GNB5: variants seen among roughly 807,000 people sequenced by gnomAD.
The protein encoded by GNB5 is G protein subunit beta 5.
A neutral mutation model predicts 55.3 loss-of-function variants in GNB5; 37 were observed. That is an observed-to-expected ratio of 0.67 (90% CI 0.51 to 0.88). The LOEUF is 0.88. GNB5 is among the 40% of genes least tolerant of loss of function. The probability of loss-of-function intolerance (pLI) is 0.00; values close to 1 mark genes in which losing one functional copy is unlikely to be tolerated. For synonymous variants in GNB5, 219 were observed against 198.5 expected (o/e 1.10, Z -0.87); for missense variants, 476 against 515.3 (o/e 0.92, Z 0.74).
At chr15:52,125,678 G>C (rs1437650976) in intron 11 of GNB5, 1 of 309,150 alleles carries the variant, frequency 3.2e-6, no homozygotes, top group Non-Finnish European at 5.9e-6. Context: ...AGAGCATTGT[G>C]GAAGTGAATT....
rs574042496 is a variant in GNB5, at chr15:52,179,653, G to A, written c.238+115C>T. The A allele has an allele frequency of 1.7e-3, 896 of 513,936 alleles. 9 individuals are homozygous for A. In the Admixed American group the frequency reaches 0.018, roughly 10 times the overall value. The allele number at this position is 513,936 out of a possible 1,614,324, so 31.8% of individuals were successfully genotyped here. On this transcript the variant is annotated intron_variant, in intron 3 of 12. Transcript: ENST00000261837. ...CCCCAGGGCCCTGCTCCCGGGCGGTGGCGCGGGCCTGGCTCCCGTCGCAGC... is the reference window on the plus strand; with the variant it reads ...CCCCAGGGCCCTGCTCCCGGGCGGTAGCGCGGGCCTGGCTCCCGTCGCAGC...
At chr15:52,133,313 A>C in intron 9 of GNB5, 65 bp downstream of exon 9, 1 of 1,126,850 alleles carries the variant, frequency 8.9e-7, no homozygotes, top group Admixed American at 1.8e-5. Context: ...TCCTGGGCTA[A>C]GGATTACCCA....
rs1596087730 is a variant in GNB5, at chr15:52,159,650, G to A, written c.239-5574C>T. On this transcript the variant is annotated intron_variant, in intron 3 of 12. Transcript: ENST00000261837. ...GTGAATGTTTGCTGCTTGAATGATG[G>A]TTCCAGAATCTCTACTATGTGCCAA... 2.6e-5 allele frequency among the ~76,000 whole-genome samples: 4 copies of A among 152,288 alleles called. No individual in the cohort carries two copies. The South Asian group carries it at 8.3e-4, about 32-fold the overall frequency.
intron 7 of GNB5, chr15:52,137,258 G>A: frequency 8.7e-7 from 1 of 1,150,948 alleles, no homozygotes; most frequent in Non-Finnish European, 1.1e-6. Context: ...CAGTAGACAA[G>A]GATCAATGAC....
At chr15:52,139,588 C>T in intron 7 of GNB5, 1 of 243,012 alleles carries the variant, frequency 4.1e-6, no homozygotes. Context: ...TACTACTTTA[C>T]TATCCTCATG....
chr15:52,117,102 A>ATATATATATATATATATTTTTTT lies in GNB5; in HGVS notation c.*5654_*5655insAAAAAAATATATATATATATATA. ...CCACGCCCAGCTAATATATATATAT[A>ATATATATATATATATATTTTTTT]TTTTTTTTTAGTACAGACAGGGTTT... On this transcript the variant is annotated 3_prime_UTR_variant, in exon 13 of 13. Transcript: ENST00000261837. 22 of 87,094 alleles carry ATATATATATATATATATTTTTTT rather than the reference A, an allele frequency of 2.5e-4. 1 individual carries two copies. The highest frequency in any genetic ancestry group is 1.3e-3 in the African/African-American group (21 of 16,440). The allele number at this position is 87,094 out of a possible 1,614,324, so 5.4% of individuals were successfully genotyped here.
In GNB5 at chr15:52,157,404, G is replaced by A. The variant is rs149376354; in HGVS notation, c.239-3328C>T. 6.7e-3 allele frequency among the ~76,000 whole-genome samples: 1,019 copies of A among 151,896 alleles called. 11 individuals are homozygous for A. Among genetic ancestry groups the A allele is most frequent in the African/African-American group, 0.024 (987 of 41,406 alleles). ...TGGGATTACAGGCATGTACAACCAT[G>A]CCCAGCTAATTTTTGTATTTTTAGT... On this transcript the variant is annotated intron_variant, in intron 3 of 12. Coordinates refer to ENST00000261837, the MANE Select transcript of GNB5 (RefSeq NM_016194.4).
At chr15:52,186,242 A>G (rs117518930) in intron 1 of GNB5, among the ~76,000 whole-genome samples, 4,021 of 152,328 alleles carry the variant, frequency 0.026, 74 homozygotes, top group Middle Eastern at 0.051. Flanking sequence ...ACTTTGTATC[A>G]GCCCACTCCC....
chr15:52,128,775 G>A (rs1477630906), intron 9 of GNB5: 5 of 455,306 alleles, frequency 1.1e-5, no homozygotes, highest in Non-Finnish European at 1.8e-5. Context: ...CTGGCATGGT[G>A]CCAATTAAAT....
At chr15:52,159,495 G>A (rs1029705079) in intron 3 of GNB5, among the ~76,000 whole-genome samples, 4 of 152,166 alleles carry the variant, frequency 2.6e-5, no homozygotes, top group East Asian at 1.9e-4. Flanking sequence ...GGGAGAGGAC[G>A]CTTGCCTCTG....
intron 8 of GNB5, among the ~76,000 whole-genome samples, chr15:52,134,270 AG>A (rs1405352710): frequency 2.0e-5 from 3 of 152,214 alleles, no homozygotes. Flanking sequence ...GACTCTCAAT[AG>A]TCAAATAGCT....
rs146403232 is a variant in GNB5, at chr15:52,140,668, G to A, written c.627+472C>T. On this transcript the variant is annotated intron_variant, in intron 7 of 12. Transcript: ENST00000261837. ...AAGAAAACTTAAAGTGATAAAGGTT[G>A]TGTTGTTTTCACTGTAGTGTATTTA... Among the ~76,000 whole-genome samples the A allele has an allele frequency of 4.2e-3, 644 of 152,340 alleles. 4 individuals are homozygous for A. Among genetic ancestry groups the A allele is most frequent in the Non-Finnish European group, 5.4e-3 (366 of 68,026 alleles).
chr15:52,128,548 T>G, intron 9 of GNB5: 1 of 589,524 alleles, frequency 1.7e-6, no homozygotes, highest in East Asian at 3.6e-5. Flanking sequence ...TCCTAAGACT[T>G]GGCCCAGAGC....
intron 3 of GNB5, among the ~76,000 whole-genome samples, chr15:52,161,225 A>C (rs1426825118): frequency 6.6e-6 from 1 of 152,226 alleles, no homozygotes; most frequent in African/African-American, 2.4e-5. Context: ...ATCATTATTT[A>C]GAAAATCAAG....
At chr15:52,143,984 C>T (rs987503435) in intron 6 of GNB5, 1 of 152,192 alleles carries the variant, frequency 6.6e-6, no homozygotes, top group Non-Finnish European at 1.5e-5. Context: ...TCTGTTTGGC[C>T]CTCGTAACAG....
chr15:52,125,985 G>A lies in GNB5; in HGVS notation c.972C>T (p.Ile324=), dbSNP rs749692319. 11 of 1,578,044 alleles carry A rather than the reference G, an allele frequency of 7.0e-6. No individual in the cohort carries two copies. The highest frequency in any genetic ancestry group is 3.4e-5 in the South Asian group (3 of 88,860). ...REVAIYSKES[I]IFGASSVDFS... is the part of the protein sequence containing the mutation. Reference sequence around the variant, plus strand: ...AGTCCACGCTGGATGCTCCAAATATGATGCTTTCTTTGGAATAGATGGCAA... The same window carrying A: ...AGTCCACGCTGGATGCTCCAAATATAATGCTTTCTTTGGAATAGATGGCAA... The change falls in exon 11 of 13, where the codon ATC becomes ATT. Residue 324 remains isoleucine (I), a synonymous_variant. Transcript: ENST00000261837.
intron 4 of GNB5, among the ~76,000 whole-genome samples, chr15:52,151,667 G>T (rs978579137): frequency 2.2e-4 from 34 of 152,184 alleles, no homozygotes; most frequent in African/African-American, 8.2e-4. Flanking sequence ...CCTCCCAACA[G>T]CAGTATGTGA....
chr15:52,152,893 A>G (rs12905698), intron 4 of GNB5, among the ~76,000 whole-genome samples: 25,017 of 152,228 alleles, frequency 0.16, 2,470 homozygotes, highest in Admixed American at 0.3. Context: ...CCAAAGTGCT[A>G]GGATTATAGG....
intron 12 of GNB5, among the ~76,000 whole-genome samples, chr15:52,123,003 TCTC>T (rs1386909747): frequency 6.6e-6 from 1 of 151,840 alleles, no homozygotes; most frequent in Non-Finnish European, 1.5e-5. Flanking sequence ...GACCTGATCT[TCTC>T]CTCCCTTAGT....
Sources: allele counts gnomAD v4.1 joint callset (sites outside exome capture counted in the v4.1 genomes callset), GRCh38; gene constraint gnomAD v4.1.1; transcripts MANE v1.5; gene names NCBI Gene and HGNC (gene_info 2026-07-23, HGNC 2026-07-21).